Variants in PARD3 observed in about 807,000 individuals in gnomAD.
PARD3 encodes par-3 family cell polarity regulator.
PARD3 carries 75 observed loss-of-function variants against 155.4 expected under a neutral mutation model. The observed-to-expected ratio is 0.48, with a 90% CI of 0.40 to 0.58. The LOEUF is 0.58. Among genes scored for constraint, PARD3 ranks in the 20% least tolerant of loss-of-function variants. PARD3 has a pLI of 0.00. For synonymous variants in PARD3, 576 were observed against 610.5 expected (o/e 0.94, Z 0.83); for missense variants, 1,642 against 1,721.7 (o/e 0.95, Z 0.82).
intron 2 of PARD3, among the ~76,000 whole-genome samples, chr10:34,561,580 G>A (rs549619496): frequency 2.9e-4 from 44 of 151,652 alleles, no homozygotes; most frequent in South Asian, 2.3e-3. Flanking sequence ...GTGCAATGGC[G>A]CGATCTCGGC....
chr10:34,480,685 G>A (rs188880814), intron 3 of PARD3, among the ~76,000 whole-genome samples: 7 of 151,946 alleles, frequency 4.6e-5, no homozygotes, highest in Admixed American at 4.6e-4. Flanking sequence ...ATATCAGTCA[G>A]GAACAAAAAT....
chr10:34,383,385 T>A (rs1418977625), intron 8 of PARD3, among the ~76,000 whole-genome samples: 1 of 92,662 alleles, frequency 1.1e-5, no homozygotes, highest in African/African-American at 7.5e-5. Context: ...TTAAAATTTT[T>A]AAAATACACA....
intron 2 of PARD3, among the ~76,000 whole-genome samples, chr10:34,624,519 C>T (rs1169344116): frequency 6.6e-6 from 1 of 152,170 alleles, no homozygotes; most frequent in Non-Finnish European, 1.5e-5. Flanking sequence ...TCGGGTGAGG[C>T]CTCTGAGATG....
rs560845156 is a variant in PARD3, at chr10:34,671,894, G to T, written c.222+24424C>A. On this transcript the variant is annotated intron_variant, in intron 2 of 24. Transcript: ENST00000374788. ...TAGATTTACATATCACAAAAAACTG[G>T]GTTTAGTTACATATGATTTTTATTC... 3.3e-5 allele frequency among the ~76,000 whole-genome samples: 5 copies of T among 152,190 alleles called. No individual in the cohort carries two copies. The South Asian group carries it at 1.0e-3, about 32-fold the overall frequency.
chr10:34,432,208 G>A (rs1200895753), intron 5 of PARD3, among the ~76,000 whole-genome samples: 1 of 151,772 alleles, frequency 6.6e-6, no homozygotes, highest in Non-Finnish European at 1.5e-5. Flanking sequence ...AAGCAAATAG[G>A]AAAACGCAGA....
intron 5 of PARD3, among the ~76,000 whole-genome samples, chr10:34,415,969 T>C (rs1845633610): frequency 6.6e-6 from 1 of 152,086 alleles, no homozygotes; most frequent in South Asian, 2.1e-4. Flanking sequence ...TGGTCATAGA[T>C]TTAAAAGCCT....
At chr10:34,649,111 A>G (rs1590399752) in intron 2 of PARD3, among the ~76,000 whole-genome samples, 1 of 152,180 alleles carries the variant, frequency 6.6e-6, no homozygotes, top group Non-Finnish European at 1.5e-5. Flanking sequence ...TGACATGAGC[A>G]TACAGAGACA....
chr10:34,386,081 C>A (rs539440303), intron 7 of PARD3, among the ~76,000 whole-genome samples: 1 of 151,952 alleles, frequency 6.6e-6, no homozygotes. Context: ...AACATTTTTA[C>A]GATATTAGTA....
chr10:34,225,545 C>T lies in PARD3; in HGVS notation c.3419+44112G>A, dbSNP rs370674335. 1.7e-4 allele frequency among the ~76,000 whole-genome samples: 26 copies of T among 152,232 alleles called. 1 individual carries two copies. The South Asian group carries it at 4.8e-3, about 28-fold the overall frequency. ...ATTTCTAGTTGAGACAAGGTTTCACCATGTTGGCCAGGCTGGTCTTGAACT... is the reference window on the plus strand; with the variant it reads ...ATTTCTAGTTGAGACAAGGTTTCACTATGTTGGCCAGGCTGGTCTTGAACT... On this transcript the variant is annotated intron_variant, in intron 22 of 24. Coordinates refer to ENST00000374788, the MANE Select transcript of PARD3 (RefSeq NM_001184785.2).
intron 3 of PARD3, among the ~76,000 whole-genome samples, chr10:34,508,074 A>C (rs2081192648): frequency 6.6e-6 from 1 of 152,194 alleles, no homozygotes; most frequent in Non-Finnish European, 1.5e-5. Context: ...GCTAAGAAAA[A>C]AAATTAAGAA....
At chr10:34,733,953 T>C in intron 1 of PARD3, among the ~76,000 whole-genome samples, 1 of 152,014 alleles carries the variant, frequency 6.6e-6, no homozygotes. Context: ...AAGCTGTTTT[T>C]TTTTTTTTAC....
In PARD3 at chr10:34,146,751, G is replaced by C. The variant is rs567726391; in HGVS notation, c.3420-15168C>G. ...CAGCTCCTATTCTGATCTCTCAGGAGTATCCCACTGATGCTGGTGACAAAG... is the reference window on the plus strand; with the variant it reads ...CAGCTCCTATTCTGATCTCTCAGGACTATCCCACTGATGCTGGTGACAAAG... On this transcript the variant is annotated intron_variant, in intron 22 of 24. Transcript: ENST00000374788. Among the ~76,000 whole-genome samples, 406 of 152,280 alleles carry C rather than the reference G, an allele frequency of 2.7e-3. 1 individual carries two copies. The highest frequency in any genetic ancestry group is 9.1e-3 in the African/African-American group (379 of 41,546).
intron 1 of PARD3, among the ~76,000 whole-genome samples, chr10:34,697,926 C>A (rs1041503665): frequency 6.6e-6 from 1 of 151,956 alleles, no homozygotes; most frequent in Non-Finnish European, 1.5e-5. Flanking sequence ...TGTGTTGAGT[C>A]CCCAAAGAAT....
At chr10:34,234,131 A>G (rs1166839990) in intron 22 of PARD3, among the ~76,000 whole-genome samples, 3 of 152,076 alleles carry the variant, frequency 2.0e-5, no homozygotes, top group Non-Finnish European at 2.9e-5. Flanking sequence ...TTTGTAATCA[A>G]TTTCTGATAT....
chr10:34,256,150 C>T (rs1177031063), intron 22 of PARD3, among the ~76,000 whole-genome samples: 2 of 152,220 alleles, frequency 1.3e-5, no homozygotes, highest in Non-Finnish European at 2.9e-5. Context: ...TCAACATATT[C>T]GCTAATTATT....
intron 23 of PARD3, among the ~76,000 whole-genome samples, chr10:34,122,879 C>T (rs536997330): frequency 6.6e-6 from 1 of 152,234 alleles, no homozygotes; most frequent in African/African-American, 2.4e-5. Context: ...ATGGCATGAA[C>T]AAAATAATGT....
Position 34,710,169 on chromosome 10 carries a change from C to T in PARD3, c.121-13750G>A, listed in dbSNP as rs557073190. Among the ~76,000 whole-genome samples, 74 of 152,216 alleles carry T rather than the reference C, an allele frequency of 4.9e-4. 1 individual carries two copies. Among genetic ancestry groups the T allele is most frequent in the South Asian group, 2.3e-3 (11 of 4,818 alleles). ...ATAGAGAATGGGAACTAGCTATACA[C>T]GTAAAAACAGGAAACAGGTTGAACA... On this transcript the variant is annotated intron_variant, in intron 1 of 24. Transcript: ENST00000374788.
intron 2 of PARD3, among the ~76,000 whole-genome samples, chr10:34,600,709 A>G (rs2089687153): frequency 6.6e-6 from 1 of 152,224 alleles, no homozygotes; most frequent in South Asian, 2.1e-4. Context: ...AATGTCACAG[A>G]TGAAAGACTC....
intron 18 of PARD3, among the ~76,000 whole-genome samples, chr10:34,332,819 A>G (rs1381765398): frequency 6.6e-6 from 1 of 152,158 alleles, no homozygotes; most frequent in Non-Finnish European, 1.5e-5. Context: ...TTTGAATGAG[A>G]TCCATCTTAC....
Sources: gnomAD v4.1 joint callset for allele counts (sites outside exome capture counted in the v4.1 genomes callset) on GRCh38, gnomAD v4.1.1 for gene constraint, MANE v1.5 for transcripts, NCBI Gene and HGNC (gene_info 2026-07-23, HGNC 2026-07-21) for gene names.